Variants in DCAF17 observed in about 807,000 individuals in gnomAD.
DCAF17 encodes DDB1 and CUL4 associated factor 17, also known as DDB1- and CUL4-associated factor 17.
Under a neutral mutation model 66.0 loss-of-function variants are expected in DCAF17, and 48 were observed. The ratio of observed to expected loss-of-function variants is 0.73; its 90% confidence interval spans 0.58 to 0.92. The LOEUF is 0.92. DCAF17 is among the 40% of genes least tolerant of loss of function. The pLI is 0.00. For synonymous variants in DCAF17, 206 were observed against 214.6 expected, an observed-to-expected ratio of 0.96 and a Z score of 0.35; for missense variants, 562 against 622.8, an observed-to-expected ratio of 0.90 and a Z score of 1.04.
rs1418890469 is a variant in DCAF17 at position 171,485,052 on chromosome 2, A to G, written c.*3938A>G. On this transcript the variant is annotated 3_prime_UTR_variant, in exon 14 of 14. Transcript: ENST00000375255. Reference sequence around the variant, plus strand: ...AAGCTGCTATGAACATTCTTAGACAATTCTTTTGTGAACATGTGTCTTTAT... The same window carrying G: ...AAGCTGCTATGAACATTCTTAGACAGTTCTTTTGTGAACATGTGTCTTTAT... 2.2e-6 allele frequency: 1 copy of G among 449,526 alleles called. No individual in the cohort carries two copies. Among genetic ancestry groups the G allele is most frequent in the Non-Finnish European group, 4.4e-6 (1 of 225,942 alleles). The allele number at this position is 449,526 out of a possible 1,614,324, so 27.8% of individuals were successfully genotyped here.
chr2:171,484,399 T>C lies in DCAF17; in HGVS notation c.*3285T>C, dbSNP rs532886693. On this transcript the variant is annotated 3_prime_UTR_variant, in exon 14 of 14. Transcript: ENST00000375255. ...AAAAATGTTCAAACATACAGTAAAA[T>C]TGAAAGAATTTTATAGTAAATACTG... 3 of 390,748 alleles carry C rather than the reference T, an allele frequency of 7.7e-6. No individual in the cohort carries two copies. The highest frequency in any genetic ancestry group is 1.5e-4 in the East Asian group (2 of 13,726). 24.2% of individuals were successfully genotyped at this position (390,748 alleles called of 1,614,324 possible). A position where few individuals can be genotyped will look rare whatever the true frequency, so the allele number is the denominator to read the frequency against.
At position 171,481,877 on chromosome 2, in the gene DCAF17, T is replaced by C. The variant is rs1461981248; in HGVS notation, c.*763T>C. The C allele has an allele frequency of 2.2e-6, 1 of 454,082 alleles. No homozygotes were observed. Among genetic ancestry groups the C allele is most frequent in the East Asian group, 6.9e-5 (1 of 14,398 alleles). 28.1% of individuals were successfully genotyped at this position (454,082 alleles called of 1,614,324 possible). A position where few individuals can be genotyped will look rare whatever the true frequency, so the allele number is the denominator to read the frequency against. On this transcript the variant is annotated 3_prime_UTR_variant, in exon 14 of 14. Coordinates refer to ENST00000375255, the MANE Select transcript of DCAF17 (RefSeq NM_025000.4). ...TAAGGATGTTCTCATCTCACCATTC[T>C]ACTCATTTAGTGAGTTTTCTGATCT...
chr2:171,435,271 G>GAA, intron 2 of DCAF17, 85 bp downstream of exon 2: 1 of 1,014,184 alleles, frequency 9.9e-7, no homozygotes. Flanking sequence ...GCCTACATTA[G>GAA]TGCCTAGTGA....
At chr2:171,451,501 A>G (rs986824405) in intron 5 of DCAF17, among the ~76,000 whole-genome samples, 4 of 152,240 alleles carry the variant, frequency 2.6e-5, no homozygotes, top group African/African-American at 9.6e-5. Context: ...ACATTTTGCT[A>G]CTTTGAGAAT....
chr2:171,470,110 ACCT>A (rs1227500062), intron 9 of DCAF17, among the ~76,000 whole-genome samples: 1 of 152,128 alleles, frequency 6.6e-6, no homozygotes, highest in African/African-American at 2.4e-5. Context: ...TGCAGCCTCA[ACCT>A]CCTGGGCTCA....
chr2:171,474,024 A>G (rs1696385341), intron 10 of DCAF17, 49 bp downstream of exon 10: 2 of 1,473,844 alleles, frequency 1.4e-6, no homozygotes, highest in Non-Finnish European at 1.9e-6. Context: ...TTTTGGTAGC[A>G]TTTATTGGCA....
rs749410667 is a variant in DCAF17 at position 171,434,281 on chromosome 2, G to A, written c.-297G>A. The A allele has an allele frequency of 1.7e-4, 97 of 560,470 alleles. No homozygotes were observed. The Middle Eastern group carries it at 2.4e-3, about 14-fold the overall frequency. The allele number at this position is 560,470 out of a possible 1,614,324, so 34.7% of individuals were successfully genotyped here. A position where few individuals can be genotyped will look rare whatever the true frequency, so the allele number is the denominator to read the frequency against. On this transcript the variant is annotated 5_prime_UTR_variant, in exon 1 of 14. Coordinates refer to ENST00000375255, the MANE Select transcript of DCAF17 (RefSeq NM_025000.4). ...GAACTACATTTCCCGGTGAGAGAGC[G>A]GCTCCGGCCGGCCGCGCGGTACCGG...
chr2:171,440,012 T>C (rs1266769825), intron 2 of DCAF17, among the ~76,000 whole-genome samples: 2 of 152,224 alleles, frequency 1.3e-5, no homozygotes, highest in East Asian at 3.9e-4. Context: ...GTGCAGTGGC[T>C]TTTCACAGGT....
intron 8 of DCAF17, among the ~76,000 whole-genome samples, chr2:171,467,576 GTGTAATACTTAGGAGGT>G (rs1269428841): frequency 1.3e-5 from 2 of 150,822 alleles, no homozygotes; most frequent in South Asian, 2.1e-4. Context: ...GTAATTCCAG[GTGTAATACTTAGGAGGT>G]TGTAATACTT....
intron 2 of DCAF17, among the ~76,000 whole-genome samples, chr2:171,437,500 ATTTC>A (rs1694043257): frequency 6.6e-6 from 1 of 152,002 alleles, no homozygotes; most frequent in African/African-American, 2.4e-5. Context: ...CTGCTGTGTT[ATTTC>A]TTCTTTAAAT....
At chr2:171,474,274 A>T (rs1696395864) in intron 10 of DCAF17, 5 of 382,688 alleles carry the variant, frequency 1.3e-5, no homozygotes, top group South Asian at 1.3e-4. Flanking sequence ...AATAAGAAAG[A>T]AGAGTATTTG....
intron 4 of DCAF17, 53 bp from the exon 5 acceptor site, chr2:171,449,826 A>T: frequency 7.6e-7 from 1 of 1,323,942 alleles, no homozygotes; most frequent in Non-Finnish European, 1.1e-6. Context: ...TTTTGGTTTT[A>T]AGTATAAGGA....
At chr2:171,479,387 T>C (rs1696639447) in intron 12 of DCAF17, among the ~76,000 whole-genome samples, 1 of 152,206 alleles carries the variant, frequency 6.6e-6, no homozygotes, top group Non-Finnish European at 1.5e-5. Context: ...TCAGGTTTTC[T>C]TCCTTGAGAC....
chr2:171,436,469 C>G (rs968373189), intron 2 of DCAF17, among the ~76,000 whole-genome samples: 2 of 152,106 alleles, frequency 1.3e-5, no homozygotes, highest in Non-Finnish European at 2.9e-5. Flanking sequence ...CTGATTTTTC[C>G]ACATTCTTGT....
chr2:171,475,982 C>T (rs1696479665), intron 10 of DCAF17, among the ~76,000 whole-genome samples: 1 of 152,078 alleles, frequency 6.6e-6, no homozygotes, highest in African/African-American at 2.4e-5. Flanking sequence ...AAACAAGGCC[C>T]ACGAAGAGTG....
intron 5 of DCAF17, among the ~76,000 whole-genome samples, chr2:171,451,755 T>A (rs1479944181): frequency 6.6e-6 from 1 of 152,158 alleles, no homozygotes; most frequent in African/African-American, 2.4e-5. Flanking sequence ...TTTGTATTTT[T>A]ACTAGAGACG....
intron 8 of DCAF17, among the ~76,000 whole-genome samples, chr2:171,466,185 A>C (rs1416114257): frequency 6.6e-6 from 1 of 152,166 alleles, no homozygotes; most frequent in East Asian, 1.9e-4. Flanking sequence ...GTAAACATTT[A>C]TTTGGTAGAA....
chr2:171,484,826 A>G lies in DCAF17; in HGVS notation c.*3712A>G, dbSNP rs74780004. On this transcript the variant is annotated 3_prime_UTR_variant, in exon 14 of 14. Coordinates refer to ENST00000375255, the MANE Select transcript of DCAF17 (RefSeq NM_025000.4). ...TAAATTTACCTGTTCTAAACTTCAT[A>G]TGAGTGAAATTATACAAAATGTAAT... 5.9e-3 allele frequency: 2,688 copies of G among 453,990 alleles called. 66 individuals carry two copies. Among genetic ancestry groups the G allele is most frequent in the African/African-American group, 0.049 (2,445 of 50,070 alleles). The allele number at this position is 453,990 out of a possible 1,614,324, so 28.1% of individuals were successfully genotyped here.
At chr2:171,440,014 T>TTCACAGGTATGA (rs1559254850) in intron 2 of DCAF17, among the ~76,000 whole-genome samples, 2 of 152,152 alleles carry the variant, frequency 1.3e-5, no homozygotes, top group African/African-American at 4.8e-5. Flanking sequence ...GCAGTGGCTT[T>TTCACAGGTATGA]TCACAGGTAT....
Sources: gnomAD v4.1 joint callset for allele counts (sites outside exome capture counted in the v4.1 genomes callset) on GRCh38, gnomAD v4.1.1 for gene constraint, MANE v1.5 for transcripts, NCBI Gene and HGNC (gene_info 2026-07-23, HGNC 2026-07-21) for gene names.